NEK3: variants seen among roughly 807,000 people sequenced by gnomAD.
NEK3 encodes serine/threonine-protein kinase Nek3.
In NEK3, 54 loss-of-function variants were observed where a neutral mutation model predicts 66.0. The ratio of observed to expected loss-of-function variants is 0.82; its 90% confidence interval spans 0.66 to 1.03. The LOEUF is 1.03. NEK3 is among the 50% of genes least tolerant of loss of function. The probability of loss-of-function intolerance (pLI) is 0.00; values close to 1 mark genes in which losing one functional copy is unlikely to be tolerated. For synonymous variants in NEK3, 200 were observed against 206.2 expected, an observed-to-expected ratio of 0.97 and a Z score of 0.26; for missense variants, 593 against 603.0, an observed-to-expected ratio of 0.98 and a Z score of 0.17.
intron 7 of NEK3, among the ~76,000 whole-genome samples, 191 bp downstream of exon 7, chr13:52,150,955 T>A (rs1221358559): frequency 6.6e-6 from 1 of 152,232 alleles, no homozygotes; most frequent in African/African-American, 2.4e-5. Context: ...AAACTATTAC[T>A]TTTATCTAGC....
intron 14 of NEK3, 67 bp downstream of exon 14, chr13:52,135,662 T>G: frequency 2.2e-6 from 3 of 1,394,266 alleles, no homozygotes; most frequent in Middle Eastern, 3.6e-4. Context: ...AATTTTATGT[T>G]ATATATATTT....
chr13:52,151,453 C>T, intron 5 of NEK3, 61 bp from the exon 6 acceptor site: 1 of 1,442,412 alleles, frequency 6.9e-7, no homozygotes, highest in Non-Finnish European at 9.5e-7. Context: ...GGCAGATAAG[C>T]TGTCTTCCAA....
intron 7 of NEK3, among the ~76,000 whole-genome samples, chr13:52,149,589 G>C (rs1367327341): frequency 3.3e-5 from 5 of 152,014 alleles, no homozygotes; most frequent in Non-Finnish European, 7.4e-5. Flanking sequence ...AAGGTTGCCC[G>C]CCGGGCATGG....
intron 8 of NEK3, 129 bp from the exon 9 acceptor site, chr13:52,145,020 G>A (rs1332820640): frequency 3.1e-6 from 2 of 654,116 alleles, no homozygotes; most frequent in Non-Finnish European, 5.2e-6. Flanking sequence ...TTCTAGAGGT[G>A]TCCTTAAGAT....
At chr13:52,134,800 A>G (rs751344399) in intron 14 of NEK3, among the ~76,000 whole-genome samples, 2 of 152,204 alleles carry the variant, frequency 1.3e-5, no homozygotes, top group Non-Finnish European at 2.9e-5. Context: ...TAGGGCTTCC[A>G]TGATCTTTTG....
At chr13:52,153,084 G>A (rs544542049) in intron 4 of NEK3, among the ~76,000 whole-genome samples, 33 of 152,074 alleles carry the variant, frequency 2.2e-4, no homozygotes, top group Admixed American at 3.3e-4. Flanking sequence ...ATATCCATAC[G>A]GTAACATCAA....
rs79672542 is a variant in NEK3, at chr13:52,133,260, C to A, written c.1437-34G>T. ...AAACAATTTGGACCATAAACCTCTACATTAGGGGCACAGTATCTGTTGATG... is the reference window on the plus strand; with the variant it reads ...AAACAATTTGGACCATAAACCTCTAAATTAGGGGCACAGTATCTGTTGATG... On this transcript the variant is annotated intron_variant, in intron 15 of 15. Transcript: ENST00000610828. 1.9e-3 allele frequency: 2,800 copies of A among 1,484,260 alleles called. 3 individuals carry two copies. The highest frequency in any genetic ancestry group is 2.3e-3 in the Non-Finnish European group (2,522 of 1,077,356). 91.9% of individuals were successfully genotyped at this position (1,484,260 alleles called of 1,614,324 possible).
At position 52,133,118 on chromosome 13, in the gene NEK3, G is replaced by A. The variant is rs1956167878; in HGVS notation, c.*24C>T. 6.3e-7 allele frequency: 1 copy of A among 1,579,726 alleles called. No individual in the cohort carries two copies. Among genetic ancestry groups the A allele is most frequent in the African/African-American group, 1.3e-5 (1 of 74,416 alleles). On this transcript the variant is annotated 3_prime_UTR_variant, in exon 16 of 16. Coordinates refer to ENST00000610828, the MANE Select transcript of NEK3 (RefSeq NM_002498.3). ...CCTGAGTGAAGCCTCTCCTCAGCGTGACTCAGGAACATTTCCTCAGGCATT... is the reference window on the plus strand; with the variant it reads ...CCTGAGTGAAGCCTCTCCTCAGCGTAACTCAGGAACATTTCCTCAGGCATT...
At chr13:52,155,314 T>C (rs1956386085) in intron 2 of NEK3, among the ~76,000 whole-genome samples, 1 of 152,252 alleles carries the variant, frequency 6.6e-6, no homozygotes, top group Non-Finnish European at 1.5e-5. Context: ...ACAACTATGA[T>C]ACATAGTAAT....
At chr13:52,153,544 G>A (rs1377555054) in intron 4 of NEK3, among the ~76,000 whole-genome samples, 2 of 152,056 alleles carry the variant, frequency 1.3e-5, no homozygotes, top group African/African-American at 4.8e-5. Context: ...TCATTCTTCT[G>A]ATGTTTTAGT....
At chr13:52,154,683 G>A (rs1956377371) in intron 2 of NEK3, among the ~76,000 whole-genome samples, 1 of 151,726 alleles carries the variant, frequency 6.6e-6, no homozygotes, top group Admixed American at 6.6e-5. Flanking sequence ...GGCAAGCAAA[G>A]TAAGTTTCCA....
chr13:52,158,323 A>G (rs1956412270), intron 1 of NEK3, among the ~76,000 whole-genome samples: 1 of 152,258 alleles, frequency 6.6e-6, no homozygotes, highest in Non-Finnish European at 1.5e-5. Flanking sequence ...TTACCAGGAA[A>G]TCCTAGAAAT....
chr13:52,156,183 G>A lies in NEK3; in HGVS notation c.9C>T (p.Asp3=), dbSNP rs1487294715. Residue 3 remains aspartate (D), a synonymous_variant, in exon 2 of 16, where the codon GAC becomes GAT. Coordinates refer to ENST00000610828, the MANE Select transcript of NEK3 (RefSeq NM_002498.3). The part of the protein sequence containing the change: MD[D]YMVLRMIGEG... ...CCCCAATCATTCTCAGGACCATGTAGTCATCCATGCTGGGGCATCCACACA... is the reference window on the plus strand; with the variant it reads ...CCCCAATCATTCTCAGGACCATGTAATCATCCATGCTGGGGCATCCACACA... 1 of 1,592,828 alleles carries A rather than the reference G, an allele frequency of 6.3e-7. No homozygotes were observed. The highest frequency in any genetic ancestry group is 1.1e-5 in the South Asian group (1 of 87,558).
intron 10 of NEK3, among the ~76,000 whole-genome samples, chr13:52,141,449 A>G (rs1454650383): frequency 6.6e-6 from 1 of 152,208 alleles, no homozygotes. Context: ...CTGGTGGAAT[A>G]AGTATCCCTA....
rs1956427222 is a variant in NEK3, at chr13:52,159,541, A to C, written c.-58+2T>G. 6.6e-6 allele frequency: 1 copy of C among 151,326 alleles called. No homozygotes were observed. Among genetic ancestry groups the C allele is most frequent in the Non-Finnish European group, 1.5e-5 (1 of 67,924 alleles). The allele number at this position is 151,326 out of a possible 1,614,324, so 9.4% of individuals were successfully genotyped here. ...CAGCCCGCCAGGGCGGGGACCACTC[A>C]CCCGCTTCCCCGGCGACCCTAGTCC... On this transcript the variant is annotated splice_donor_variant, in intron 1 of 15. Transcript: ENST00000610828. LOFTEE classifies it low-confidence loss of function (5UTR_SPLICE).
intron 7 of NEK3, among the ~76,000 whole-genome samples, chr13:52,149,641 G>A (rs933992012): frequency 8.6e-5 from 13 of 151,982 alleles, no homozygotes; most frequent in African/African-American, 2.4e-4. Context: ...AGGCCGAGCC[G>A]GGCAGATCAC....
chr13:52,137,006 G>A, intron 11 of NEK3, 104 bp from the exon 12 acceptor site: 2 of 665,046 alleles, frequency 3.0e-6, no homozygotes, highest in East Asian at 3.0e-5. Flanking sequence ...AAAAATTAAT[G>A]GATTAAAATA....
rs1318424547 is a variant in NEK3 at position 52,142,279 on chromosome 13, C to CTT, written c.878-1212_878-1211dup. On this transcript the variant is annotated intron_variant, in intron 10 of 15. Transcript: ENST00000610828. ...GTAAAACAAAGGTAACTGGCTATCT[C>CTT]TTTTTTTTTTTTTTGGAGACGGAGT... 1.0e-4 allele frequency among the ~76,000 whole-genome samples: 15 copies of CTT among 143,132 alleles called. No homozygotes were observed. The South Asian group carries it at 1.1e-3, about 11-fold the overall frequency. 93.9% of individuals were successfully genotyped at this position (143,132 alleles called of 152,430 possible). A position where few individuals can be genotyped will look rare whatever the true frequency, so the allele number is the denominator to read the frequency against.
chr13:52,144,394 C>A (rs963000019), intron 9 of NEK3, among the ~76,000 whole-genome samples: 4 of 151,840 alleles, frequency 2.6e-5, no homozygotes, highest in Non-Finnish European at 5.9e-5. Context: ...CCAGCCTGGG[C>A]GACAGAGCGA....
Sources: gnomAD v4.1 joint callset for allele counts (sites outside exome capture counted in the v4.1 genomes callset) on GRCh38, gnomAD v4.1.1 for gene constraint, MANE v1.5 for transcripts, NCBI Gene and HGNC (gene_info 2026-07-23, HGNC 2026-07-21) for gene names.